NRG4: variants seen among roughly 807,000 people sequenced by gnomAD.
NRG4 encodes the protein neuregulin 4.
NRG4 carries 10 observed loss-of-function variants against 15.0 expected under a neutral mutation model. That is an observed-to-expected ratio of 0.67 (90% CI 0.41 to 1.13). The LOEUF is 1.13. NRG4 is among the 50% of genes most tolerant of loss of function. The pLI, the probability that NRG4 is intolerant of heterozygous loss-of-function variation, is 0.00. For missense variants in NRG4, 139 were observed against 140.2 expected, an observed-to-expected ratio of 0.99 and a Z score of 0.04; for synonymous variants, 41 against 50.1, an observed-to-expected ratio of 0.82 and a Z score of 0.77.
chr15:75,996,603 T>C (rs368281002), intron 3 of NRG4, among the ~76,000 whole-genome samples: 2 of 152,238 alleles, frequency 1.3e-5, no homozygotes, highest in East Asian at 3.9e-4. Context: ...GGTCACAAAA[T>C]TGGAAAAAGT....
intron 3 of NRG4, among the ~76,000 whole-genome samples, chr15:75,982,262 A>G (rs985121490): frequency 5.3e-5 from 8 of 152,328 alleles, no homozygotes; most frequent in Admixed American, 5.2e-4. Flanking sequence ...AAATACAATA[A>G]GAATCAGCAG....
chr15:75,943,755 C>A (rs2031240449), intron 5 of NRG4, 101 bp from the exon 6 acceptor site: 1 of 760,500 alleles, frequency 1.3e-6, no homozygotes, highest in Middle Eastern at 2.4e-4. Context: ...ATATATAAGC[C>A]AACCCCTTCT....
At chr15:76,004,396 T>C (rs1402158488) in intron 3 of NRG4, among the ~76,000 whole-genome samples, 1 of 151,058 alleles carries the variant, frequency 6.6e-6, no homozygotes, top group East Asian at 1.9e-4. Flanking sequence ...AGGTCAGGAG[T>C]TCGAGACCAG....
chr15:75,994,630 T>G (rs1315488420), intron 3 of NRG4, among the ~76,000 whole-genome samples: 1 of 152,240 alleles, frequency 6.6e-6, no homozygotes, highest in Admixed American at 6.5e-5. Context: ...CAAAGCAAGT[T>G]GTTTTAATCA....
Position 75,966,309 on chromosome 15 carries a change from A to G in NRG4, c.105-4335T>C, listed in dbSNP as rs975020891. ...GAAACATTACTGGACTGTGAACTGG[A>G]AAAAACTGGTTTCTTCACCCTATTT... On this transcript the variant is annotated intron_variant, in intron 3 of 5. Coordinates refer to ENST00000394907, the MANE Select transcript of NRG4 (RefSeq NM_138573.4). Among the ~76,000 whole-genome samples, 4 of 152,218 alleles carry G rather than the reference A, an allele frequency of 2.6e-5. No homozygotes were observed. The East Asian group carries it at 7.7e-4, about 29-fold the overall frequency.
intron 3 of NRG4, among the ~76,000 whole-genome samples, chr15:75,967,245 C>T (rs1008652187): frequency 6.6e-6 from 1 of 151,462 alleles, no homozygotes; most frequent in African/African-American, 2.4e-5. Flanking sequence ...ACCTTTGCAT[C>T]TTTTATTAGC....
chr15:76,003,293 C>T (rs550888062), intron 3 of NRG4, among the ~76,000 whole-genome samples: 9 of 151,948 alleles, frequency 5.9e-5, no homozygotes, highest in Non-Finnish European at 1.0e-4. Flanking sequence ...CATCAAAAAT[C>T]GTGAGCTGCT....
chr15:75,974,676 G>C (rs2033283210), intron 3 of NRG4, among the ~76,000 whole-genome samples: 1 of 152,152 alleles, frequency 6.6e-6, no homozygotes, highest in African/African-American at 2.4e-5. Context: ...CTTTGAGTGA[G>C]TTTCTTAATC....
At chr15:75,989,012 A>G (rs2033907546) in intron 3 of NRG4, among the ~76,000 whole-genome samples, 1 of 151,882 alleles carries the variant, frequency 6.6e-6, no homozygotes, top group African/African-American at 2.4e-5. Flanking sequence ...CACAGCCATC[A>G]TGCCCAGCTA....
downstream of NRG4, chr15:75,937,850 C>T (rs1029779115): frequency 3.9e-5 from 6 of 152,174 alleles, no homozygotes; most frequent in African/African-American, 1.4e-4. Context: ...GCACTGCTTA[C>T]AAAAGCTGCA....
intron 5 of NRG4, among the ~76,000 whole-genome samples, chr15:75,948,594 G>A (rs925164692): frequency 4.6e-5 from 5 of 109,254 alleles, no homozygotes; most frequent in South Asian, 7.1e-4. Context: ...TCACTGCGCC[G>A]CCCGGCCCTA....
chr15:76,051,084 C>A (rs1229672628), intron 4 of NRG4, among the ~76,000 whole-genome samples: 1 of 148,382 alleles, frequency 6.7e-6, no homozygotes, highest in African/African-American at 2.5e-5. Flanking sequence ...CGGCTCACTG[C>A]AAGCTCCGCC....
At chr15:76,040,879 T>C (rs958244339) in intron 4 of NRG4, among the ~76,000 whole-genome samples, 35 of 152,204 alleles carry the variant, frequency 2.3e-4, no homozygotes, top group African/African-American at 8.2e-4. Flanking sequence ...GAGCTGAGAT[T>C]GTGCCACTGC....
At chr15:76,055,199 C>A (rs1019595292) in intron 2 of NRG4, among the ~76,000 whole-genome samples, 1 of 152,200 alleles carries the variant, frequency 6.6e-6, no homozygotes, top group African/African-American at 2.4e-5. Flanking sequence ...AGGAGAATTG[C>A]TTGAACGGCG....
intron 3 of NRG4, among the ~76,000 whole-genome samples, chr15:75,972,583 C>T (rs910884439): frequency 3.9e-5 from 6 of 152,130 alleles, no homozygotes; most frequent in African/African-American, 1.4e-4. Context: ...CAGTTTTCTG[C>T]CTATGGCTAT....
intron 5 of NRG4, among the ~76,000 whole-genome samples, chr15:75,946,863 T>C (rs2031558468): frequency 6.6e-6 from 1 of 152,248 alleles, no homozygotes; most frequent in Admixed American, 6.5e-5. Context: ...GATTCACCTA[T>C]GTTGTGGCAT....
chr15:75,958,935 C>G, intron 4 of NRG4: 1 of 183,598 alleles, frequency 5.4e-6, no homozygotes, highest in Non-Finnish European at 1.2e-5. Context: ...AAAGGAATTT[C>G]ATTTTGGGGC....
intron 2 of NRG4, among the ~76,000 whole-genome samples, chr15:76,054,571 C>T (rs548609206): frequency 1.3e-5 from 2 of 152,316 alleles, no homozygotes; most frequent in East Asian, 1.9e-4. Flanking sequence ...CCCACCACCA[C>T]GCTCAGATAA....
rs890314167 is a variant in NRG4, at chr15:75,958,476, T to C, written c.252-2465A>G. The stretch of plus-strand genomic sequence containing the variant: ...TATTCTACGTTTGGTAATCTTTTCA[T>C]ACTGTGAGACGCTTTTCAAGGTAAA... On this transcript the variant is annotated intron_variant, in intron 4 of 5. Coordinates refer to ENST00000394907, the MANE Select transcript of NRG4 (RefSeq NM_138573.4). 2.0e-5 allele frequency among the ~76,000 whole-genome samples: 3 copies of C among 152,354 alleles called. No homozygotes were observed. In the East Asian group the frequency reaches 5.8e-4, roughly 29 times the overall value.
Sources: gnomAD v4.1 joint callset for allele counts (sites outside exome capture counted in the v4.1 genomes callset) on GRCh38, gnomAD v4.1.1 for gene constraint, MANE v1.5 for transcripts, NCBI Gene and HGNC (gene_info 2026-07-23, HGNC 2026-07-21) for gene names.